Variants in IFFO2 observed in about 807,000 individuals in gnomAD.
IFFO2 encodes intermediate filament family orphan 2.
IFFO2 carries 19 observed loss-of-function variants against 53.5 expected under a neutral mutation model. The ratio of observed to expected loss-of-function variants is 0.36; its 90% CI spans 0.25 to 0.52. The LOEUF (loss-of-function observed/expected upper bound fraction) is 0.52, where lower values mean the gene tolerates loss of function less well. Ranked by LOEUF, IFFO2 falls within the 20% of genes least tolerant of loss-of-function variation. IFFO2 has a pLI of 0.94. For synonymous variants in IFFO2, 303 were observed against 313.6 expected (o/e 0.97, Z 0.36); for missense variants, 570 against 727.4 (o/e 0.78, Z 2.49).
intron 1 of IFFO2, among the ~76,000 whole-genome samples, chr1:18,946,493 C>A (rs939921471): frequency 6.8e-6 from 1 of 147,242 alleles, no homozygotes; most frequent in Non-Finnish European, 1.5e-5. Context: ...CGGTTCACTG[C>A]AACCTCCGCC....
At chr1:18,910,888 C>T (rs1936025177) in intron 7 of IFFO2, among the ~76,000 whole-genome samples, 1 of 152,240 alleles carries the variant, frequency 6.6e-6, no homozygotes, top group Non-Finnish European at 1.5e-5. Flanking sequence ...TGCATAATAG[C>T]AATGACTATC....
At chr1:18,955,577 C>G (rs1214052835) in intron 1 of IFFO2, 91 bp downstream of exon 1, 1 of 1,451,268 alleles carries the variant, frequency 6.9e-7, no homozygotes, top group Non-Finnish European at 9.0e-7. Context: ...GTACCAGCTG[C>G]CCGCCCGGCC....
chr1:18,920,541 G>C lies in IFFO2; in HGVS notation c.726+520C>G, dbSNP rs747422595. On this transcript the variant is annotated intron_variant, in intron 2 of 8. Transcript: ENST00000455833. ...TTGCTGCCCAGGTTACACCGCAGGT[G>C]GGGGAGTTGCAGAGCCCAGAATGCA... Among the ~76,000 whole-genome samples the C allele has an allele frequency of 5.9e-5, 9 of 152,378 alleles. No homozygotes were observed. In the South Asian group the frequency reaches 6.2e-4, roughly 11 times the overall value.
chr1:18,955,653 G>T lies in IFFO2; in HGVS notation c.665+15C>A. 1 of 1,559,162 alleles carries T rather than the reference G, an allele frequency of 6.4e-7. No homozygotes were observed. The highest frequency in any genetic ancestry group is 8.6e-7 in the Non-Finnish European group (1 of 1,157,932). The stretch of plus-strand genomic sequence containing the variant: ...CGCCCCGTCCCAGGGCGGCGGGGGA[G>T]GGGCGGCCACTCACCTCCGCTTATA... On this transcript the variant is annotated intron_variant, in intron 1 of 8. Transcript: ENST00000455833.
chr1:18,917,606 G>A lies in IFFO2; in HGVS notation c.964-564C>T, dbSNP rs1315521437. Among the ~76,000 whole-genome samples, 1 of 152,212 alleles carries A rather than the reference G, an allele frequency of 6.6e-6. No individual in the cohort carries two copies. Among genetic ancestry groups the A allele is most frequent in the Non-Finnish European group, 1.5e-5 (1 of 68,038 alleles). On this transcript the variant is annotated intron_variant, in intron 4 of 8. Coordinates refer to ENST00000455833, the MANE Select transcript of IFFO2 (RefSeq NM_001136265.2). This position sits in a 1 kb window ranked among gnomAD's most constrained non-coding sequence, Gnocchi z 5.9. ...GGAGGTGGAGAGAGGGCCCCAGGGA[G>A]GCCCAGATCTGGCCCAGCGACGTCA...
intron 1 of IFFO2, among the ~76,000 whole-genome samples, chr1:18,931,571 C>A (rs1385222508): frequency 6.6e-6 from 1 of 152,146 alleles, no homozygotes; most frequent in Non-Finnish European, 1.5e-5. Flanking sequence ...TTTTCACTTC[C>A]CTGTCTCTCT....
At chr1:18,954,084 G>A (rs1052163009) in intron 1 of IFFO2, among the ~76,000 whole-genome samples, 14 of 152,266 alleles carry the variant, frequency 9.2e-5, no homozygotes, top group African/African-American at 1.4e-4. Context: ...GGCACCAGGC[G>A]GGCCATTCTC....
rs574084694 is a variant in IFFO2, at chr1:18,911,368, C to A, written c.1317+16G>T. 2 of 1,406,406 alleles carry A rather than the reference C, an allele frequency of 1.4e-6. No homozygotes were observed. The highest frequency in any genetic ancestry group is 2.9e-5 in the South Asian group (2 of 70,148). The allele number at this position is 1,406,406 out of a possible 1,614,324, so 87.1% of individuals were successfully genotyped here. ...AGGAGAGCCTCACGAGTGGGCTCCA[C>A]GTCCCGAGCCCTCACCTCGATCTGA... is the stretch of plus-strand genomic sequence containing the variant. On this transcript the variant is annotated intron_variant, in intron 7 of 8. Coordinates refer to ENST00000455833, the MANE Select transcript of IFFO2 (RefSeq NM_001136265.2).
intron 1 of IFFO2, among the ~76,000 whole-genome samples, chr1:18,941,204 C>G (rs1281747572): frequency 2.6e-5 from 4 of 152,236 alleles, no homozygotes; most frequent in Non-Finnish European, 4.4e-5. Flanking sequence ...AGTGGGCATA[C>G]AGAGTGCTCT....
Position 18,905,564 on chromosome 1 carries a change from A to T in IFFO2, c.*2997T>A, listed in dbSNP as rs1487033117. Reference sequence around the variant, plus strand: ...TCCCTAGGTCATCTGAGCTCTACCCACAGAGTTAGTCCACGATGGATTTGG... The same window carrying T: ...TCCCTAGGTCATCTGAGCTCTACCCTCAGAGTTAGTCCACGATGGATTTGG... On this transcript the variant is annotated 3_prime_UTR_variant, in exon 9 of 9. Transcript: ENST00000455833. 1 of 151,728 alleles carries T rather than the reference A, an allele frequency of 6.6e-6. No individual in the cohort carries two copies. Among genetic ancestry groups the T allele is most frequent in the Non-Finnish European group, 1.5e-5 (1 of 67,958 alleles). The allele number at this position is 151,728 out of a possible 1,614,324, so 9.4% of individuals were successfully genotyped here.
intron 6 of IFFO2, among the ~76,000 whole-genome samples, 173 bp from the exon 7 acceptor site, chr1:18,911,649 C>T (rs1936042527): frequency 2.0e-5 from 3 of 152,078 alleles, no homozygotes; most frequent in African/African-American, 7.2e-5. Flanking sequence ...AGCGATTCTC[C>T]TGCCTCAGCC....
At position 18,934,474 on chromosome 1, in the gene IFFO2, T is replaced by G. The variant is rs1384714856; in HGVS notation, c.666-13353A>C. ...ATCTTTTTAATTTTGAATGATGTCA[T>G]GTATACCTGCTCAAAACATCAAAAC... On this transcript the variant is annotated intron_variant, in intron 1 of 8. Transcript: ENST00000455833. Among the ~76,000 whole-genome samples, 3 of 152,358 alleles carry G rather than the reference T, an allele frequency of 2.0e-5. No individual in the cohort carries two copies. The East Asian group carries it at 5.8e-4, about 29-fold the overall frequency.
rs961774287 is a variant in IFFO2, at chr1:18,928,964, G to T, written c.666-7843C>A. Among the ~76,000 whole-genome samples the T allele has an allele frequency of 6.6e-6, 1 of 152,198 alleles. No homozygotes were observed. Among genetic ancestry groups the T allele is most frequent in the Non-Finnish European group, 1.5e-5 (1 of 68,034 alleles). ...AGCCTGCACTCAACAGCAGACACCC[G>T]CTGGGTGCCCTCTCCCAGAAGAAGC... On this transcript the variant is annotated intron_variant, in intron 1 of 8. Coordinates refer to ENST00000455833, the MANE Select transcript of IFFO2 (RefSeq NM_001136265.2). The surrounding 1 kb of genome is among the most constrained non-coding windows in gnomAD (Gnocchi z 4.9).
At chr1:18,911,266 G>A in intron 7 of IFFO2, 118 bp downstream of exon 7, 1 of 462,482 alleles carries the variant, frequency 2.2e-6, no homozygotes, top group Non-Finnish European at 3.7e-6. Context: ...TCCCGATCCT[G>A]CGCCTGCCCC....
chr1:18,914,046 T>A (rs28498013), intron 5 of IFFO2, among the ~76,000 whole-genome samples: 2 of 152,122 alleles, frequency 1.3e-5, no homozygotes, highest in South Asian at 2.1e-4. Flanking sequence ...TTAGCCAGGA[T>A]GGTCTCGATC....
intron 5 of IFFO2, among the ~76,000 whole-genome samples, chr1:18,913,347 G>A (rs758753822): frequency 6.6e-6 from 1 of 152,260 alleles, no homozygotes; most frequent in African/African-American, 2.4e-5. Context: ...AGCCGCCAGG[G>A]TCCAGTGGTC....
At chr1:18,933,130 G>C (rs1407759540) in intron 1 of IFFO2, among the ~76,000 whole-genome samples, 1 of 152,280 alleles carries the variant, frequency 6.6e-6, no homozygotes, top group Non-Finnish European at 1.5e-5. Context: ...TGCTGAGAGA[G>C]GGGAGGCGAG....
Position 18,918,275 on chromosome 1 carries a change from G to T in IFFO2, c.963+87C>A. 7.4e-7 allele frequency: 1 copy of T among 1,344,594 alleles called. No individual in the cohort carries two copies. The highest frequency in any genetic ancestry group is 1.0e-6 in the Non-Finnish European group (1 of 973,454). The allele number at this position is 1,344,594 out of a possible 1,614,324, so 83.3% of individuals were successfully genotyped here. A position where few individuals can be genotyped will look rare whatever the true frequency, so the allele number is the denominator to read the frequency against. On this transcript the variant is annotated intron_variant, in intron 4 of 8. Coordinates refer to ENST00000455833, the MANE Select transcript of IFFO2 (RefSeq NM_001136265.2). This position sits in a 1 kb window ranked among gnomAD's most constrained non-coding sequence, Gnocchi z 5.2. Reference sequence around the variant, plus strand: ...GGGAGGGAGTGAGTGGGATGTGGAGGCAAACGGGTTGGCCGGGCAGGGGTG... The same window carrying T: ...GGGAGGGAGTGAGTGGGATGTGGAGTCAAACGGGTTGGCCGGGCAGGGGTG...
chr1:18,920,442 T>C (rs1429768203), intron 2 of IFFO2, among the ~76,000 whole-genome samples: 1 of 152,230 alleles, frequency 6.6e-6, no homozygotes, highest in Admixed American at 6.5e-5. Flanking sequence ...GAAGAACTTT[T>C]CATGCCTTCT....
Sources: allele counts gnomAD v4.1 joint callset (sites outside exome capture counted in the v4.1 genomes callset), GRCh38; gene constraint gnomAD v4.1.1; non-coding constraint Gnocchi (gnomAD v3.1); transcripts MANE v1.5; gene names NCBI Gene and HGNC (gene_info 2026-07-23, HGNC 2026-07-21).